UMAD1: variants seen among roughly 807,000 people sequenced by gnomAD.
The protein encoded by UMAD1 is UBAP1-MVB12-associated (UMA) domain containing 1, also known as UBAP1-MVB12-associated (UMA)-domain containing protein 1.
In UMAD1, 8 loss-of-function variants were observed where a neutral mutation model predicts 6.1. That is an observed-to-expected ratio of 1.30 (90% CI 0.76 to 2.35). The LOEUF is 2.35. Among genes scored for constraint, UMAD1 ranks in the 30% most tolerant of loss-of-function variants. The pLI is 0.00. For synonymous variants in UMAD1, 56 were observed against 31.4 expected (o/e 1.78, Z -2.61); for missense variants, 130 against 78.4 (o/e 1.66, Z -2.49).
chr7:7,855,994 T>C (rs1255032010), intron 3 of UMAD1, among the ~76,000 whole-genome samples: 1 of 152,178 alleles, frequency 6.6e-6, no homozygotes, highest in East Asian at 1.9e-4. Flanking sequence ...AAGTTTCTTA[T>C]CTCCACCTGA....
chr7:7,747,853 G>A (rs888550891), intron 2 of UMAD1, among the ~76,000 whole-genome samples: 4 of 152,214 alleles, frequency 2.6e-5, no homozygotes, highest in African/African-American at 9.7e-5. Context: ...TGGGGAAAAT[G>A]TATAGAAATT....
chr7:7,847,313 A>C (rs1430168616), intron 3 of UMAD1, among the ~76,000 whole-genome samples: 1 of 150,816 alleles, frequency 6.6e-6, no homozygotes, highest in African/African-American at 2.5e-5. Context: ...GATGCTTCAC[A>C]GTTTACATAG....
chr7:7,754,656 C>A (rs1563180382), intron 2 of UMAD1, among the ~76,000 whole-genome samples: 1 of 152,192 alleles, frequency 6.6e-6, no homozygotes, highest in Admixed American at 6.5e-5. Flanking sequence ...ATTTTCATTT[C>A]ACCAAGGTTT....
chr7:7,835,146 A>G (rs1191704259), intron 3 of UMAD1, among the ~76,000 whole-genome samples: 1 of 152,130 alleles, frequency 6.6e-6, no homozygotes, highest in Non-Finnish European at 1.5e-5. Flanking sequence ...TTATTCACTT[A>G]ATCTGTCAAA....
At chr7:7,764,296 C>T (rs187773015) in intron 2 of UMAD1, among the ~76,000 whole-genome samples, 1 of 152,002 alleles carries the variant, frequency 6.6e-6, no homozygotes, top group Non-Finnish European at 1.5e-5. Context: ...ATGTCCAGAC[C>T]CATAGCTATC....
intron 3 of UMAD1, among the ~76,000 whole-genome samples, chr7:7,807,289 G>A (rs7801961): frequency 0.85 from 129,670 of 152,122 alleles, 55,502 homozygotes; most frequent in African/African-American, 0.94. Flanking sequence ...TTGTCTACTT[G>A]TATGATTAAT....
intron 2 of UMAD1, chr7:7,740,645 C>G (rs888955663): frequency 1.3e-5 from 2 of 152,202 alleles, no homozygotes; most frequent in African/African-American, 4.8e-5. Context: ...TTGCATTGCC[C>G]TTTCCCTACT....
intron 2 of UMAD1, chr7:7,742,003 A>G: frequency 6.9e-6 from 2 of 291,644 alleles, no homozygotes; most frequent in Non-Finnish European, 1.3e-5. Flanking sequence ...TTTCATAAAT[A>G]CTATTTTTAA....
chr7:7,777,184 T>A (rs909020316), intron 2 of UMAD1, among the ~76,000 whole-genome samples: 1 of 152,162 alleles, frequency 6.6e-6, no homozygotes, highest in African/African-American at 2.4e-5. Context: ...TCTAGCCATT[T>A]AGATCATTTC....
chr7:7,800,754 A>C (rs1370959861), intron 2 of UMAD1, among the ~76,000 whole-genome samples: 1 of 152,210 alleles, frequency 6.6e-6, no homozygotes, highest in Non-Finnish European at 1.5e-5. Context: ...CAAGATTTTC[A>C]TACTTTATCT....
intron 3 of UMAD1, among the ~76,000 whole-genome samples, chr7:7,844,705 G>A (rs896291876): frequency 6.6e-5 from 10 of 152,148 alleles, no homozygotes; most frequent in Non-Finnish European, 1.0e-4. Flanking sequence ...GATTCATTAA[G>A]TAAGTACATT....
chr7:7,708,667 A>C (rs192060051), intron 2 of UMAD1, among the ~76,000 whole-genome samples: 8 of 152,340 alleles, frequency 5.3e-5, no homozygotes, highest in Admixed American at 1.3e-4. Context: ...TTTTCCTACT[A>C]CTTCGTTTTG....
chr7:7,859,285 C>T (rs1483827626), intron 3 of UMAD1, among the ~76,000 whole-genome samples: 1 of 152,162 alleles, frequency 6.6e-6, no homozygotes, highest in Admixed American at 6.5e-5. Context: ...TTAGGCCGTG[C>T]TTATGAGAAG....
intron 1 of UMAD1, among the ~76,000 whole-genome samples, chr7:7,646,692 G>A (rs1160376236): frequency 1.3e-5 from 2 of 151,920 alleles, no homozygotes; most frequent in African/African-American, 4.8e-5. Flanking sequence ...GAGAGGGGAT[G>A]GAGTGGGAAG....
chr7:7,841,038 T>C (rs936296365), intron 3 of UMAD1, among the ~76,000 whole-genome samples: 11 of 152,180 alleles, frequency 7.2e-5, no homozygotes, highest in African/African-American at 2.2e-4. Context: ...AGCCTTTTAG[T>C]TGTGTTTCAG....
At chr7:7,688,909 C>A (rs927384269) in intron 2 of UMAD1, among the ~76,000 whole-genome samples, 1 of 152,058 alleles carries the variant, frequency 6.6e-6, no homozygotes, top group Admixed American at 6.6e-5. Context: ...GGTATTTTCT[C>A]CAATGAAAAT....
intron 3 of UMAD1, among the ~76,000 whole-genome samples, chr7:7,838,381 G>A (rs903612316): frequency 6.6e-5 from 10 of 152,172 alleles, no homozygotes; most frequent in South Asian, 2.1e-4. Flanking sequence ...GACCATACAC[G>A]TATGGAAGAG....
intron 3 of UMAD1, among the ~76,000 whole-genome samples, chr7:7,859,352 A>G (rs886358786): frequency 1.9e-4 from 29 of 152,208 alleles, no homozygotes; most frequent in African/African-American, 6.0e-4. Flanking sequence ...GTTTCTTACC[A>G]TAATCAAGAA....
chr7:7,835,958 T>A (rs1783560853), intron 3 of UMAD1, among the ~76,000 whole-genome samples: 1 of 152,068 alleles, frequency 6.6e-6, no homozygotes, highest in Admixed American at 6.6e-5. Flanking sequence ...CTAATCTAAA[T>A]TTTGCCTTTT....
Sources: allele counts gnomAD v4.1 joint callset (sites outside exome capture counted in the v4.1 genomes callset), GRCh38; gene constraint gnomAD v4.1.1; transcripts MANE v1.5; gene names NCBI Gene and HGNC (gene_info 2026-07-23, HGNC 2026-07-21).